PTPRF: variants seen among roughly 807,000 people sequenced by gnomAD.
PTPRF encodes receptor-type tyrosine-protein phosphatase F.
Under a neutral mutation model 201.8 loss-of-function variants are expected in PTPRF, and 59 were observed. The ratio of observed to expected loss-of-function variants is 0.29; its 90% CI spans 0.24 to 0.36. The LOEUF (loss-of-function observed/expected upper bound fraction) is 0.36. PTPRF is among the 10% of genes least tolerant of loss of function. The probability of loss-of-function intolerance (pLI) is 1.00; values close to 1 mark genes in which losing one functional copy is unlikely to be tolerated. For missense variants in PTPRF, 2,132 were observed against 2,690.5 expected (o/e 0.79, Z 4.59); for synonymous variants, 1,088 against 1,089.7 (o/e 1.00, Z 0.03).
chr1:43,524,504 AAAAT>A (rs1461040733), upstream of PTPRF, among the ~76,000 whole-genome samples: 5 of 152,310 alleles, frequency 3.3e-5, no homozygotes, highest in Admixed American at 2.6e-4. Context: ...TACAAAAAAT[AAAAT>A]AAATAAATAA....
intron 1 of PTPRF, among the ~76,000 whole-genome samples, chr1:43,534,551 G>A (rs896018223): frequency 1.3e-5 from 2 of 152,166 alleles, no homozygotes; most frequent in African/African-American, 4.8e-5. Flanking sequence ...GGTTGAGCGG[G>A]CCTTCACTGA....
intron 6 of PTPRF, among the ~76,000 whole-genome samples, chr1:43,572,911 A>G (rs921348308): frequency 5.3e-5 from 8 of 152,006 alleles, no homozygotes; most frequent in Admixed American, 5.2e-4. Flanking sequence ...GAGCAGCTGG[A>G]CCCTTCTGGG....
At chr1:43,590,857 G>A in intron 8 of PTPRF, 115 bp from the exon 9 acceptor site, 1 of 962,836 alleles carries the variant, frequency 1.0e-6, no homozygotes, top group African/African-American at 1.6e-5. Flanking sequence ...GTAGGCTGTG[G>A]GTATCAGCCA....
At chr1:43,587,280 A>G (rs1649401112) in intron 7 of PTPRF, among the ~76,000 whole-genome samples, 1 of 152,198 alleles carries the variant, frequency 6.6e-6, no homozygotes, top group Admixed American at 6.5e-5. Context: ...GCAGTGGACA[A>G]CAAGGCAGGA....
chr1:43,583,129 G>A (rs978148483), intron 7 of PTPRF: 9 of 981,252 alleles, frequency 9.2e-6, no homozygotes, highest in South Asian at 4.7e-5. Flanking sequence ...TCTACAGTTC[G>A]CCCATCGATG....
intron 26 of PTPRF, 109 bp downstream of exon 26, chr1:43,618,858 G>A (rs551814691): frequency 4.7e-5 from 71 of 1,497,960 alleles, no homozygotes; most frequent in Non-Finnish European, 6.0e-5. Context: ...TTGGAGGGTC[G>A]GAGGCTCAGG....
At position 43,604,199 on chromosome 1, in the gene PTPRF, G is replaced by A. The variant is rs375224800; in HGVS notation, c.3037+10G>A. The A allele has an allele frequency of 1.1e-5, 17 of 1,610,606 alleles. No homozygotes were observed. Among genetic ancestry groups the A allele is most frequent in the Non-Finnish European group, 1.2e-5 (14 of 1,177,758 alleles). ...ATGCCGGTGGAGCAAGGTGTGTGCT[G>A]TGGACATGGCATCCCTTCCCGAGTG... is the stretch of plus-strand genomic sequence containing the variant. On this transcript the variant is annotated intron_variant, in intron 16 of 33. Coordinates refer to ENST00000359947, the MANE Select transcript of PTPRF (RefSeq NM_002840.5).
rs1645173638 is a variant in PTPRF at position 43,553,717 on chromosome 1, C to T, written c.237+80C>T. On this transcript the variant is annotated intron_variant, in intron 4 of 33. Transcript: ENST00000359947. The surrounding 1 kb of genome is among the most constrained non-coding windows in gnomAD (Gnocchi z 4.1). ...CCTTTCAGTGTCCCTCCTCATGGACCTTTTGGAGGTGGGAGGACAACTGAC... is the reference window on the plus strand; with the variant it reads ...CCTTTCAGTGTCCCTCCTCATGGACTTTTTGGAGGTGGGAGGACAACTGAC... 2 of 1,608,660 alleles carry T rather than the reference C, an allele frequency of 1.2e-6. No individual in the cohort carries two copies. Among genetic ancestry groups the T allele is most frequent in the African/African-American group, 1.3e-5 (1 of 74,832 alleles).
At chr1:43,555,926 A>G (rs1645338971) in intron 5 of PTPRF, among the ~76,000 whole-genome samples, 1 of 152,156 alleles carries the variant, frequency 6.6e-6, no homozygotes, top group African/African-American at 2.4e-5. Context: ...TTCTAGGTTC[A>G]TGGAAGTGGA....
At position 43,598,783 on chromosome 1, in the gene PTPRF, A is replaced by G; in HGVS notation, c.2183A>G (p.Tyr728Cys). 1 of 1,614,136 alleles carries G rather than the reference A, an allele frequency of 6.2e-7. No homozygotes were observed. The highest frequency in any genetic ancestry group is 2.2e-5 in the East Asian group (1 of 44,878). Residue 728 changes from tyrosine to cysteine, a missense_variant, in exon 13 of 34, where the codon TAC (tyrosine) becomes TGC (cysteine). Around this residue, in one of 6 missense-constraint regions of PTPRF, gnomAD observed 125 missense variants for 211.9 expected, o/e 0.59. Transcript: ENST00000359947. ...CTGAACTCCACTGCTGTGCATGTCTACTGGAAGCTGCCTGTCCCCAGCAAG... is the reference window on the plus strand; with the variant it reads ...CTGAACTCCACTGCTGTGCATGTCTGCTGGAAGCTGCCTGTCCCCAGCAAG... ...EPLNSTAVHV[Y>C]WKLPVPSKQH...
intron 22 of PTPRF, among the ~76,000 whole-genome samples, chr1:43,612,552 A>G (rs1268371517): frequency 3.3e-5 from 5 of 152,076 alleles, no homozygotes; most frequent in Non-Finnish European, 7.4e-5. Flanking sequence ...GGGGTGGGAC[A>G]CCCAGTCTGT....
intron 1 of PTPRF, among the ~76,000 whole-genome samples, chr1:43,532,329 C>T (rs1032957174): frequency 1.3e-5 from 2 of 152,202 alleles, no homozygotes; most frequent in Non-Finnish European, 2.9e-5. Context: ...GCGCTACCTG[C>T]CTGAGCTGTG....
intron 5 of PTPRF, among the ~76,000 whole-genome samples, chr1:43,568,973 A>C (rs1646377130): frequency 6.6e-6 from 1 of 152,238 alleles, no homozygotes; most frequent in African/African-American, 2.4e-5. Flanking sequence ...AGAAAGCTCA[A>C]GGTCAAGGCT....
At chr1:43,607,393 C>G (rs551455484) in intron 21 of PTPRF, among the ~76,000 whole-genome samples, 9 of 152,220 alleles carry the variant, frequency 5.9e-5, no homozygotes, top group Non-Finnish European at 1.2e-4. Flanking sequence ...CTAGAGAGGT[C>G]GAGCTGGAGG....
intron 14 of PTPRF, among the ~76,000 whole-genome samples, chr1:43,602,338 G>A (rs1175346453): frequency 6.6e-6 from 1 of 152,234 alleles, no homozygotes; most frequent in East Asian, 1.9e-4. Flanking sequence ...ATCGACCAGG[G>A]CCTGGCCCCT....
chr1:43,620,047 C>A (rs1658816043), intron 29 of PTPRF, 48 bp from the exon 30 acceptor site: 5 of 1,611,082 alleles, frequency 3.1e-6, no homozygotes, highest in Non-Finnish European at 4.2e-6. Context: ...AGGGGAGACT[C>A]TAGGGGCAGC....
chr1:43,613,516 G>T (rs1656993466), intron 22 of PTPRF, 102 bp from the exon 23 acceptor site: 12 of 956,096 alleles, frequency 1.3e-5, no homozygotes, highest in Non-Finnish European at 2.0e-5. Context: ...GTGCTCCATG[G>T]TCACACATGT....
Position 43,605,307 on chromosome 1 carries a change from G to A in PTPRF, c.3253G>A (p.Gly1085Arg). 1 of 1,613,446 alleles carries A rather than the reference G, an allele frequency of 6.2e-7. No homozygotes were observed. Among genetic ancestry groups the A allele is most frequent in the Non-Finnish European group, 8.5e-7 (1 of 1,179,706 alleles). ...FVLMNRGSSA[G>R]GLQHLVSIRT... ...GCTGATGAACCGTGGCAGCAGCGCA[G>A]GGGGCCTGCAGCACCTGGTGTCCAT... is the stretch of plus-strand genomic sequence containing the variant. Residue 1085 changes from glycine to arginine, a missense_variant, in exon 18 of 34, where the codon GGG (glycine) becomes AGG (arginine). This residue lies in a region of PTPRF where 818 missense variants were observed against 915.3 expected (regional missense o/e 0.89). Transcript: ENST00000359947.
intron 2 of PTPRF, among the ~76,000 whole-genome samples, chr1:43,539,949 T>C (rs1644259874): frequency 6.6e-6 from 1 of 152,178 alleles, no homozygotes; most frequent in East Asian, 1.9e-4. Flanking sequence ...TAAGCCAGGT[T>C]GGAGCTTCCT....
Sources: gnomAD v4.1 joint callset for allele counts (sites outside exome capture counted in the v4.1 genomes callset) on GRCh38, gnomAD v4.1.1 for gene constraint, gnomAD v4.1.1 regional missense constraint, Gnocchi (gnomAD v3.1) non-coding constraint, MANE v1.5 for transcripts, NCBI Gene and HGNC (gene_info 2026-07-23, HGNC 2026-07-21) for gene names.